The following CNTN6 variants were observed in gnomAD, a reference collection of about 807,000 sequenced individuals.
The protein encoded by CNTN6 is contactin 6.
A neutral mutation model predicts 122.8 loss-of-function variants in CNTN6; 137 were observed. That is an observed-to-expected ratio of 1.12 (90% CI 0.97 to 1.29). The LOEUF is 1.29. Among genes scored for constraint, CNTN6 ranks in the 50% most tolerant of loss-of-function variants. The pLI, the probability that CNTN6 is intolerant of heterozygous loss-of-function variation, is 0.00. For synonymous variants in CNTN6, 570 were observed against 426.0 expected (o/e 1.34, Z -4.16); for missense variants, 1,634 against 1,223.4 (o/e 1.34, Z -5.01).
intron 2 of CNTN6, among the ~76,000 whole-genome samples, chr3:1,199,626 C>G (rs1161074017): frequency 6.6e-6 from 1 of 152,274 alleles, no homozygotes; most frequent in East Asian, 1.9e-4. Flanking sequence ...TTTGTTCTCT[C>G]TGCTGCCTAT....
At chr3:1,188,913 G>C (rs1009226944) in intron 2 of CNTN6, among the ~76,000 whole-genome samples, 4 of 151,966 alleles carry the variant, frequency 2.6e-5, no homozygotes, top group Non-Finnish European at 5.9e-5. Flanking sequence ...ATGTGTGATT[G>C]CTTATCCGTC....
intron 4 of CNTN6, among the ~76,000 whole-genome samples, chr3:1,248,050 C>T (rs1047138550): frequency 1.3e-5 from 2 of 152,080 alleles, no homozygotes; most frequent in Non-Finnish European, 2.9e-5. Flanking sequence ...TTGGGTGGCT[C>T]TTCTTGGTGG....
At chr3:1,317,784 C>T (rs1247546821) in intron 7 of CNTN6, among the ~76,000 whole-genome samples, 1 of 151,058 alleles carries the variant, frequency 6.6e-6, no homozygotes, top group Non-Finnish European at 1.5e-5. Context: ...CCTCTTATGG[C>T]AAGACCTGAA....
At chr3:1,362,583 G>A (rs143277464) in intron 12 of CNTN6, among the ~76,000 whole-genome samples, 22 of 152,072 alleles carry the variant, frequency 1.4e-4, no homozygotes, top group East Asian at 9.7e-4. Flanking sequence ...GGGAGGATGC[G>A]TGAATAGAAA....
intron 4 of CNTN6, among the ~76,000 whole-genome samples, chr3:1,254,430 G>A (rs532162060): frequency 4.6e-5 from 7 of 152,200 alleles, no homozygotes; most frequent in East Asian, 1.9e-4. Flanking sequence ...AGTTTACTTC[G>A]TTTCAACGAA....
At chr3:1,300,742 C>A (rs1053928710) in intron 7 of CNTN6, among the ~76,000 whole-genome samples, 2 of 151,930 alleles carry the variant, frequency 1.3e-5, no homozygotes. Flanking sequence ...ACACGGACAT[C>A]ATATACTCTA....
intron 9 of CNTN6, among the ~76,000 whole-genome samples, chr3:1,326,722 T>C (rs1701594217): frequency 6.6e-6 from 1 of 151,918 alleles, no homozygotes; most frequent in Non-Finnish European, 1.5e-5. Context: ...ATCTGTTGTT[T>C]GGAAGCTGAA....
Position 1,155,231 on chromosome 3 carries a change from T to C in CNTN6, c.55+7168T>C, listed in dbSNP as rs533662458. ...TATACCTAGAGGAATATAAGTTTTATGTAGTTAAAATATTGTGAGTCGTAT... is the reference window on the plus strand; with the variant it reads ...TATACCTAGAGGAATATAAGTTTTACGTAGTTAAAATATTGTGAGTCGTAT... On this transcript the variant is annotated intron_variant, in intron 2 of 22. Transcript: ENST00000446702. 1.4e-3 allele frequency among the ~76,000 whole-genome samples: 216 copies of C among 152,334 alleles called. 1 individual carries two copies. Among genetic ancestry groups the C allele is most frequent in the African/African-American group, 4.9e-3 (205 of 41,574 alleles).
At chr3:1,203,096 C>A (rs1004769274) in intron 2 of CNTN6, among the ~76,000 whole-genome samples, 3 of 152,078 alleles carry the variant, frequency 2.0e-5, no homozygotes, top group Admixed American at 6.5e-5. Flanking sequence ...TTTTATCAGA[C>A]AATAATTTTA....
At chr3:1,097,966 T>C (rs2090620918) in intron 1 of CNTN6, among the ~76,000 whole-genome samples, 1 of 151,956 alleles carries the variant, frequency 6.6e-6, no homozygotes, top group Admixed American at 6.6e-5. Flanking sequence ...GATATTAAAA[T>C]AGAGCTCAGG....
intron 20 of CNTN6, among the ~76,000 whole-genome samples, chr3:1,394,970 G>A (rs909909400): frequency 7.9e-5 from 12 of 152,164 alleles, no homozygotes; most frequent in African/African-American, 1.9e-4. Context: ...CTAAACTGAA[G>A]ATTAGCGTTC....
intron 1 of CNTN6, among the ~76,000 whole-genome samples, chr3:1,145,614 A>G (rs973783774): frequency 6.6e-6 from 1 of 152,188 alleles, no homozygotes; most frequent in Non-Finnish European, 1.5e-5. Flanking sequence ...ATACATGGAA[A>G]CTGTCCAGTG....
intron 2 of CNTN6, chr3:1,173,153 T>C (rs2093389392): frequency 2.2e-6 from 1 of 448,144 alleles, no homozygotes; most frequent in East Asian, 7.0e-5. Context: ...TCTCCAGGCA[T>C]ACCGTAAGGA....
chr3:1,266,319 C>CTTTT (rs2094925862), intron 4 of CNTN6, among the ~76,000 whole-genome samples: 1 of 152,070 alleles, frequency 6.6e-6, no homozygotes, highest in Non-Finnish European at 1.5e-5. Context: ...ATTCCAAAGA[C>CTTTT]CTTGCTTGGA....
At chr3:1,202,326 C>G (rs9857569) in intron 2 of CNTN6, among the ~76,000 whole-genome samples, 1,795 of 151,980 alleles carry the variant, frequency 0.012, 30 homozygotes, top group African/African-American at 0.038. Context: ...GGATCACGAG[C>G]TCAGGATATC....
In CNTN6 at chr3:1,403,467, G is replaced by A. The variant is rs769007695; in HGVS notation, c.*49G>A. On this transcript the variant is annotated 3_prime_UTR_variant, in exon 23 of 23. Transcript: ENST00000446702. The stretch of plus-strand genomic sequence containing the variant: ...GAGTTTTTTGAAAGCAAATCATTCT[G>A]TATATATGCTCTCCAGCCTCTGACA... 8.4e-7 allele frequency: 1 copy of A among 1,184,948 alleles called. No individual in the cohort carries two copies. The highest frequency in any genetic ancestry group is 1.3e-6 in the Non-Finnish European group (1 of 799,960). 73.4% of individuals were successfully genotyped at this position (1,184,948 alleles called of 1,614,324 possible). A position where few individuals can be genotyped will look rare whatever the true frequency, so the allele number is the denominator to read the frequency against.
chr3:1,348,157 C>CA (rs532282828), intron 11 of CNTN6, among the ~76,000 whole-genome samples: 11,846 of 64,304 alleles, frequency 0.18, 1,315 homozygotes, highest in Admixed American at 0.33. Flanking sequence ...ATGCTATAGA[C>CA]AAAAAAAAAA....
chr3:1,215,417 G>A (rs902623395), intron 2 of CNTN6, among the ~76,000 whole-genome samples: 2 of 152,094 alleles, frequency 1.3e-5, no homozygotes, highest in African/African-American at 4.8e-5. Flanking sequence ...CTTTCAGTGG[G>A]TATCTGTTTT....
At chr3:1,102,684 C>A (rs898782159) in intron 1 of CNTN6, among the ~76,000 whole-genome samples, 1 of 149,480 alleles carries the variant, frequency 6.7e-6, no homozygotes, top group Non-Finnish European at 1.5e-5. Flanking sequence ...GCAGAGATGG[C>A]GCCACCGCCC....
Sources: gnomAD v4.1 joint callset for allele counts (sites outside exome capture counted in the v4.1 genomes callset) on GRCh38, gnomAD v4.1.1 for gene constraint, MANE v1.5 for transcripts, NCBI Gene and HGNC (gene_info 2026-07-23, HGNC 2026-07-21) for gene names.